Variants in ORC5 observed in about 807,000 individuals in gnomAD.
ORC5 encodes origin recognition complex subunit 5, also known as protein phosphatase 1, regulatory subunit 117.
ORC5 carries 39 observed loss-of-function variants against 58.8 expected under a neutral mutation model. That is an observed-to-expected ratio of 0.66 (90% confidence interval 0.51 to 0.87). The LOEUF is 0.87. Ranked by LOEUF, ORC5 falls within the 40% of genes least tolerant of loss-of-function variation. The pLI, the probability that ORC5 is intolerant of heterozygous loss-of-function variation, is 0.00. For missense variants in ORC5, 493 were observed against 506.3 expected, an observed-to-expected ratio of 0.97 and a Z score of 0.25; for synonymous variants, 218 against 177.6, an observed-to-expected ratio of 1.23 and a Z score of -1.81.
chr7:104,202,185 G>A (rs774862167), intron 2 of ORC5, among the ~76,000 whole-genome samples: 6 of 152,152 alleles, frequency 3.9e-5, no homozygotes, highest in Non-Finnish European at 7.4e-5. Context: ...TCACAAACGA[G>A]ACTTGCTCAC....
intron 8 of ORC5, among the ~76,000 whole-genome samples, 180 bp downstream of exon 8, chr7:104,183,763 T>G (rs150631991): frequency 6.6e-6 from 1 of 152,222 alleles, no homozygotes; most frequent in African/African-American, 2.4e-5. Flanking sequence ...AAAAACCTTG[T>G]CTTCCTTTAC....
At chr7:104,150,083 T>C (rs1798820776) in intron 12 of ORC5, among the ~76,000 whole-genome samples, 1 of 152,172 alleles carries the variant, frequency 6.6e-6, no homozygotes, top group African/African-American at 2.4e-5. Context: ...GAGAGGCAGC[T>C]ACTAACAAGC....
Position 104,132,678 on chromosome 7 carries a change from G to A in ORC5, c.1262+4103C>T, listed in dbSNP as rs1020471715. Reference sequence around the variant, plus strand: ...TTTAAAGCACTGTGCTAGGTTTGAGGATAAGGCAGTGATAGACATAAACAC... The same window carrying A: ...TTTAAAGCACTGTGCTAGGTTTGAGAATAAGGCAGTGATAGACATAAACAC... On this transcript the variant is annotated intron_variant, in intron 13 of 13. Transcript: ENST00000297431. Among the ~76,000 whole-genome samples the A allele has an allele frequency of 7.2e-5, 11 of 152,158 alleles. No homozygotes were observed. The South Asian group carries it at 2.3e-3, about 31-fold the overall frequency.
intron 8 of ORC5, among the ~76,000 whole-genome samples, chr7:104,178,685 T>C (rs566897306): frequency 1.4e-4 from 22 of 152,316 alleles, no homozygotes; most frequent in African/African-American, 4.3e-4. Flanking sequence ...AGGGTTTTTA[T>C]GGTTTTGGGT....
intron 8 of ORC5, among the ~76,000 whole-genome samples, chr7:104,177,776 T>A (rs1045978596): frequency 2.6e-5 from 4 of 152,170 alleles, no homozygotes; most frequent in Admixed American, 6.5e-5. Context: ...TCCGTGTCCA[T>A]GTGTTCTCAT....
At chr7:104,160,205 C>T (rs1186456113) in intron 12 of ORC5, among the ~76,000 whole-genome samples, 3 of 152,060 alleles carry the variant, frequency 2.0e-5, no homozygotes, top group Non-Finnish European at 4.4e-5. Context: ...ATATTTGTTA[C>T]TCAAACTCTT....
intron 13 of ORC5, among the ~76,000 whole-genome samples, chr7:104,135,594 T>C (rs994182019): frequency 1.3e-5 from 2 of 152,154 alleles, no homozygotes; most frequent in African/African-American, 4.8e-5. Context: ...CACCTGGCCA[T>C]TCATTCAATA....
intron 8 of ORC5, among the ~76,000 whole-genome samples, chr7:104,169,737 T>C (rs1307650329): frequency 5.3e-5 from 8 of 152,210 alleles, no homozygotes; most frequent in Non-Finnish European, 7.4e-5. Flanking sequence ...TTTTGAAGTA[T>C]TCTTTGATGC....
chr7:104,200,869 A>C lies in ORC5; in HGVS notation c.255T>G (p.Ser85=), dbSNP rs191010824. The change falls in exon 3 of 14, where the codon TCT becomes TCG. Residue 85 remains serine, a synonymous_variant. Coordinates refer to ENST00000297431, the MANE Select transcript of ORC5 (RefSeq NM_002553.4). ...QILNKLNHLS[S]SEDGCSTEIT... ...TTTCAGTAGAACATCCATCCTCTGA[A>C]GAACTAAGATGATTCAATTTGTTTA... The C allele has an allele frequency of 1.9e-5, 30 of 1,613,266 alleles. No individual in the cohort carries two copies. Among genetic ancestry groups the C allele is most frequent in the Non-Finnish European group, 3.4e-6 (4 of 1,179,228 alleles).
At chr7:104,128,134 T>G (rs1798457422) in intron 13 of ORC5, among the ~76,000 whole-genome samples, 1 of 152,216 alleles carries the variant, frequency 6.6e-6, no homozygotes, top group Non-Finnish European at 1.5e-5. Flanking sequence ...TTCTTTTTGT[T>G]TGTTTTGAGA....
At chr7:104,207,565 T>C (rs956929913) in intron 1 of ORC5, among the ~76,000 whole-genome samples, 4 of 152,202 alleles carry the variant, frequency 2.6e-5, no homozygotes, top group African/African-American at 4.8e-5. Context: ...GGAGCTAATG[T>C]GGGCAAACTT....
intron 4 of ORC5, among the ~76,000 whole-genome samples, chr7:104,196,730 G>A (rs1212566932): frequency 2.0e-5 from 3 of 151,908 alleles, no homozygotes; most frequent in East Asian, 1.9e-4. Context: ...ATAAAATTAG[G>A]TAGGTATAAA....
intron 3 of ORC5, among the ~76,000 whole-genome samples, chr7:104,199,651 T>C (rs1359799893): frequency 1.3e-5 from 2 of 152,244 alleles, no homozygotes; most frequent in African/African-American, 4.8e-5. Context: ...TTACTTTTGA[T>C]TTTATAGGCT....
At chr7:104,186,946 TACC>T (rs1197670279) in intron 6 of ORC5, among the ~76,000 whole-genome samples, 5 of 152,190 alleles carry the variant, frequency 3.3e-5, no homozygotes, top group East Asian at 3.8e-4. Flanking sequence ...CTTTAAAAAA[TACC>T]ACATTTAAAT....
chr7:104,166,181 C>G (rs1049011043), intron 10 of ORC5, among the ~76,000 whole-genome samples: 1 of 152,080 alleles, frequency 6.6e-6, no homozygotes, highest in Non-Finnish European at 1.5e-5. Context: ...ATAGGTTGTA[C>G]AGGGAGAACT....
At chr7:104,175,079 T>A (rs963123382) in intron 8 of ORC5, among the ~76,000 whole-genome samples, 5 of 152,216 alleles carry the variant, frequency 3.3e-5, no homozygotes, top group African/African-American at 1.2e-4. Flanking sequence ...TAAAGCTATA[T>A]AATAAATTTT....
intron 11 of ORC5, among the ~76,000 whole-genome samples, chr7:104,164,756 C>A (rs1235136012): frequency 6.6e-6 from 1 of 152,126 alleles, no homozygotes; most frequent in Non-Finnish European, 1.5e-5. Context: ...AGCTTTTTTC[C>A]AGATTCCTAA....
intron 12 of ORC5, among the ~76,000 whole-genome samples, chr7:104,147,986 A>G (rs935162642): frequency 2.0e-5 from 3 of 152,168 alleles, no homozygotes; most frequent in Non-Finnish European, 4.4e-5. Context: ...AGCAGAGGAT[A>G]TGGACAAAAC....
At chr7:104,194,066 G>T (rs1002578155) in intron 5 of ORC5, among the ~76,000 whole-genome samples, 1 of 146,682 alleles carries the variant, frequency 6.8e-6, no homozygotes. Flanking sequence ...ATGAAAAACT[G>T]AACTATGAAC....
Sources: allele counts gnomAD v4.1 joint callset (sites outside exome capture counted in the v4.1 genomes callset), GRCh38; gene constraint gnomAD v4.1.1; transcripts MANE v1.5; gene names NCBI Gene and HGNC (gene_info 2026-07-23, HGNC 2026-07-21).